The following DIAPH3 variants were observed in gnomAD, a reference collection of about 807,000 sequenced individuals.
DIAPH3 encodes the protein diaphanous related formin 3.
A neutral mutation model predicts 144.3 loss-of-function variants in DIAPH3; 117 were observed. The observed-to-expected ratio is 0.81, with a 90% confidence interval of 0.70 to 0.95. DIAPH3 has a LOEUF of 0.95. Ranked by LOEUF, DIAPH3 falls within the 40% of genes least tolerant of loss-of-function variation. The pLI is 0.00. For missense variants in DIAPH3, 1,421 were observed against 1,412.7 expected, an observed-to-expected ratio of 1.01 and a Z score of -0.09; for synonymous variants, 519 against 488.9, an observed-to-expected ratio of 1.06 and a Z score of -0.81.
chr13:59,879,714 T>C (rs974603537), intron 20 of DIAPH3, among the ~76,000 whole-genome samples: 1 of 152,148 alleles, frequency 6.6e-6, no homozygotes, highest in East Asian at 1.9e-4. Context: ...TAAATGATAA[T>C]GTTTAATTAA....
intron 27 of DIAPH3, among the ~76,000 whole-genome samples, chr13:59,674,369 C>A (rs559120107): frequency 6.6e-6 from 1 of 152,214 alleles, no homozygotes; most frequent in Non-Finnish European, 1.5e-5. Flanking sequence ...TCAGGCAGAG[C>A]CAGAGACAGA....
intron 25 of DIAPH3, among the ~76,000 whole-genome samples, chr13:59,797,977 A>T (rs1444390376): frequency 2.0e-5 from 3 of 152,090 alleles, no homozygotes; most frequent in African/African-American, 7.2e-5. Flanking sequence ...GGTAAAAAAC[A>T]CTCCCAAGAT....
intron 20 of DIAPH3, among the ~76,000 whole-genome samples, chr13:59,891,049 A>G (rs886198863): frequency 5.9e-5 from 9 of 152,046 alleles, no homozygotes; most frequent in African/African-American, 1.9e-4. Context: ...ATTTAGTTCC[A>G]TAAGTCCAGC....
intron 5 of DIAPH3, chr13:60,020,899 C>T (rs550038161): frequency 6.6e-6 from 1 of 152,294 alleles, no homozygotes; most frequent in Admixed American, 6.5e-5. Flanking sequence ...GCTGTCTGAC[C>T]TGAGTCTTTC....
intron 2 of DIAPH3, among the ~76,000 whole-genome samples, chr13:60,122,412 A>T (rs1445000969): frequency 2.6e-5 from 4 of 152,208 alleles, no homozygotes; most frequent in African/African-American, 9.7e-5. Context: ...TATAATATGT[A>T]TACAATTCTT....
chr13:59,666,697 C>T lies in DIAPH3; in HGVS notation c.3469G>A (p.Ala1157Thr). The T allele has an allele frequency of 3.1e-6, 5 of 1,614,040 alleles. No individual in the cohort carries two copies. Among genetic ancestry groups the T allele is most frequent in the Non-Finnish European group, 4.2e-6 (5 of 1,179,972 alleles). The change falls in exon 28 of 28, where the codon GCG becomes ACG. Residue 1157 changes from alanine (A) to threonine (T), a missense_variant. Coordinates refer to ENST00000400324, the MANE Select transcript of DIAPH3 (RefSeq NM_001042517.2). ...TTTCTGTTGCTTTCTACATTACACG[C>T]TTCCTTCTTCTCAGCTGCCTTGATC... is the stretch of plus-strand genomic sequence containing the variant. ...GRIKAAEKKE[A>T]CNVESNRKKE...
chr13:59,820,771 G>T (rs2041027662), intron 24 of DIAPH3, among the ~76,000 whole-genome samples: 1 of 149,664 alleles, frequency 6.7e-6, no homozygotes, highest in South Asian at 2.1e-4. Context: ...ACTATTTAGT[G>T]TTATAATAGT....
intron 20 of DIAPH3, 116 bp from the exon 21 acceptor site, chr13:59,879,584 G>A: frequency 7.0e-7 from 1 of 1,428,884 alleles, no homozygotes; most frequent in Non-Finnish European, 9.6e-7. Flanking sequence ...GAAGAAATAT[G>A]TCTCCTAAAA....
At chr13:59,688,286 T>G (rs1193424041) in intron 27 of DIAPH3, among the ~76,000 whole-genome samples, 1 of 152,040 alleles carries the variant, frequency 6.6e-6, no homozygotes, top group African/African-American at 2.4e-5. Context: ...AAATCTGAAT[T>G]TCTTTATTCT....
At chr13:60,151,949 A>C (rs1211378870) in intron 1 of DIAPH3, among the ~76,000 whole-genome samples, 2 of 152,240 alleles carry the variant, frequency 1.3e-5, no homozygotes, top group East Asian at 1.9e-4. Context: ...CAAGGAATTC[A>C]ATCAAAGGTT....
chr13:59,884,631 T>C (rs2045315533), intron 20 of DIAPH3, among the ~76,000 whole-genome samples: 1 of 152,074 alleles, frequency 6.6e-6, no homozygotes, highest in Non-Finnish European at 1.5e-5. Flanking sequence ...ATCTAATACA[T>C]CACAGAATTA....
At chr13:59,917,751 A>G (rs1448479472) in intron 18 of DIAPH3, among the ~76,000 whole-genome samples, 1 of 151,714 alleles carries the variant, frequency 6.6e-6, no homozygotes, top group African/African-American at 2.4e-5. Context: ...TTAGCCAGGT[A>G]TGGTGGCATG....
At chr13:59,860,772 T>C (rs2043530319) in intron 22 of DIAPH3, among the ~76,000 whole-genome samples, 1 of 151,822 alleles carries the variant, frequency 6.6e-6, no homozygotes, top group African/African-American at 2.4e-5. Flanking sequence ...AAAAAGAAAA[T>C]TGAATTATTA....
chr13:59,998,288 T>G (rs932895437), intron 9 of DIAPH3, among the ~76,000 whole-genome samples: 1 of 152,148 alleles, frequency 6.6e-6, no homozygotes, highest in East Asian at 1.9e-4. Context: ...CAAGACATCA[T>G]TAATTTCTTC....
chr13:59,856,893 T>C (rs929802497), intron 22 of DIAPH3, among the ~76,000 whole-genome samples: 1 of 144,182 alleles, frequency 6.9e-6, no homozygotes, highest in African/African-American at 2.6e-5. Context: ...TATAGGCAGA[T>C]ATTGGTAAAA....
At chr13:60,037,717 A>T (rs891252579) in intron 5 of DIAPH3, among the ~76,000 whole-genome samples, 1 of 152,136 alleles carries the variant, frequency 6.6e-6, no homozygotes, top group African/African-American at 2.4e-5. Context: ...AAGTAGCATA[A>T]ATTAAAAATT....
chr13:59,933,010 G>A (rs953516117), intron 17 of DIAPH3, among the ~76,000 whole-genome samples: 2 of 152,280 alleles, frequency 1.3e-5, no homozygotes, highest in Admixed American at 1.3e-4. Context: ...CAGCAAAAAT[G>A]TTTTATGCAA....
rs780939384 is a variant in DIAPH3 at position 60,015,945 on chromosome 13, T to G, written c.739A>C (p.Ile247Leu). ...KVVKKNQHKV[I>L]QCLKALMNTQ... The stretch of plus-strand genomic sequence containing the variant: ...TTCATCAGGGCTTTTAGACACTGTA[T>G]GACTTTATGTTGATTTTTCTTTACA... The change falls in exon 7 of 28, where the codon ATA (isoleucine) becomes CTA (leucine). Residue 247 changes from isoleucine (I) to leucine (L), a missense_variant. Transcript: ENST00000400324. 6.2e-7 allele frequency: 1 copy of G among 1,613,486 alleles called. No individual in the cohort carries two copies. The highest frequency in any genetic ancestry group is 1.1e-5 in the South Asian group (1 of 91,046).
At chr13:59,725,919 G>A (rs939323243) in intron 27 of DIAPH3, among the ~76,000 whole-genome samples, 1 of 152,120 alleles carries the variant, frequency 6.6e-6, no homozygotes, top group East Asian at 1.9e-4. Flanking sequence ...AGAGAGAGGG[G>A]AAAAATAGCA....
Sources: gnomAD v4.1 joint callset for allele counts (sites outside exome capture counted in the v4.1 genomes callset) on GRCh38, gnomAD v4.1.1 for gene constraint, MANE v1.5 for transcripts, NCBI Gene and HGNC (gene_info 2026-07-23, HGNC 2026-07-21) for gene names.